The following NRG1 variants were observed in gnomAD, a reference collection of about 807,000 sequenced individuals.
The protein encoded by NRG1 is pro-neuregulin-1, membrane-bound isoform.
A neutral mutation model predicts 63.8 loss-of-function variants in NRG1; 18 were observed. That is an observed-to-expected ratio of 0.28 (90% CI 0.19 to 0.42). The LOEUF (loss-of-function observed/expected upper bound fraction) is 0.42, where lower values mean the gene tolerates loss of function less well. Among genes scored for constraint, NRG1 ranks in the 10% least tolerant of loss-of-function variants. NRG1 has a pLI of 1.00. For missense variants in NRG1, 762 were observed against 814.7 expected (o/e 0.94, Z 0.79); for synonymous variants, 302 against 301.3 (o/e 1.00, Z -0.02).
intron 1 of NRG1, among the ~76,000 whole-genome samples, chr8:32,462,016 C>T (rs1822385319): frequency 1.3e-5 from 2 of 152,140 alleles, no homozygotes; most frequent in South Asian, 4.2e-4. Flanking sequence ...GTTTCCTTGC[C>T]CTGGACTTTT....
intron 1 of NRG1, among the ~76,000 whole-genome samples, chr8:32,344,310 T>A (rs1042225623): frequency 1.4e-5 from 2 of 146,270 alleles, no homozygotes; most frequent in Non-Finnish European, 1.5e-5. Flanking sequence ...CACATCTTTT[T>A]TTTTTCCTTC....
At chr8:32,768,323 A>G (rs1412357748), downstream of NRG1, among the ~76,000 whole-genome samples, 1 of 152,166 alleles carries the variant, frequency 6.6e-6, no homozygotes, top group East Asian at 1.9e-4. Flanking sequence ...ACTAATGAAA[A>G]TGTCAACGTG....
At chr8:32,416,864 T>G (rs1815990963) in intron 1 of NRG1, among the ~76,000 whole-genome samples, 1 of 152,066 alleles carries the variant, frequency 6.6e-6, no homozygotes, top group Admixed American at 6.5e-5. Flanking sequence ...TTTTGTATTT[T>G]TGGTAGAGAC....
At chr8:32,677,616 C>T (rs1434181786) in intron 5 of NRG1, among the ~76,000 whole-genome samples, 2 of 151,964 alleles carry the variant, frequency 1.3e-5, no homozygotes, top group South Asian at 2.1e-4. Context: ...GAGATCATGC[C>T]ACTGCACTCC....
At chr8:31,802,959 T>G (rs1409495272) in intron 1 of NRG1, among the ~76,000 whole-genome samples, 2 of 152,162 alleles carry the variant, frequency 1.3e-5, no homozygotes, top group Non-Finnish European at 2.9e-5. Context: ...TCTGTAACTG[T>G]CTTTGTTGAT....
rs925940188 is a variant in NRG1, at chr8:31,751,699, G to A, written c.37+112268G>A. 3.3e-5 allele frequency among the ~76,000 whole-genome samples: 5 copies of A among 151,930 alleles called. No individual in the cohort carries two copies. The East Asian group carries it at 9.7e-4, about 30-fold the overall frequency. On this transcript the variant is annotated intron_variant, in intron 1 of 10. Transcript: ENST00000519301. ...CTTCAATCATCTGGATGAAACAGTG[G>A]TAGCTTAGATGGATGTTTGTGGTAG...
At chr8:31,809,527 C>T (rs185244282) in intron 1 of NRG1, among the ~76,000 whole-genome samples, 2 of 150,698 alleles carry the variant, frequency 1.3e-5, no homozygotes, top group African/African-American at 4.9e-5. Flanking sequence ...GGACCAAACC[C>T]AAGGTACACA....
At chr8:31,815,649 A>T (rs963709836) in intron 1 of NRG1, among the ~76,000 whole-genome samples, 3 of 152,182 alleles carry the variant, frequency 2.0e-5, no homozygotes, top group Non-Finnish European at 4.4e-5. Flanking sequence ...CTGTGTTTAA[A>T]TTTTTGAGGA....
chr8:32,109,916 T>C (rs910706657), intron 1 of NRG1, among the ~76,000 whole-genome samples: 2 of 152,206 alleles, frequency 1.3e-5, no homozygotes, highest in Admixed American at 1.3e-4. Flanking sequence ...GATATGGACA[T>C]GGCCAAATCT....
intron 1 of NRG1, among the ~76,000 whole-genome samples, chr8:31,662,330 T>C (rs2130943890): frequency 6.6e-6 from 1 of 152,282 alleles, no homozygotes; most frequent in South Asian, 2.1e-4. Context: ...TAACTGAAAA[T>C]GAACTGTCCT....
intron 5 of NRG1, among the ~76,000 whole-genome samples, chr8:32,679,531 G>A (rs564711202): frequency 9.9e-5 from 15 of 152,040 alleles, no homozygotes; most frequent in East Asian, 1.9e-4. Context: ...ACCCTAATAC[G>A]TAACAAAGTT....
intron 1 of NRG1, among the ~76,000 whole-genome samples, chr8:31,729,398 A>G (rs1046970057): frequency 3.9e-5 from 6 of 152,190 alleles, no homozygotes; most frequent in Middle Eastern, 3.2e-3. Context: ...TAATTTGGAA[A>G]GAGAAGAACA....
intron 1 of NRG1, among the ~76,000 whole-genome samples, chr8:31,678,712 TATTA>T (rs1458036050): frequency 3.4e-5 from 5 of 148,490 alleles, no homozygotes; most frequent in Non-Finnish European, 7.4e-5. Context: ...CATATTAATT[TATTA>T]AAGTATTAAA....
chr8:32,196,922 C>T (rs1399358713), intron 1 of NRG1, among the ~76,000 whole-genome samples: 1 of 125,320 alleles, frequency 8.0e-6, no homozygotes, highest in African/African-American at 2.9e-5. Context: ...GGTTTTCTAC[C>T]AGGCCTGTTC....
chr8:31,874,656 A>G (rs574036104), intron 1 of NRG1, among the ~76,000 whole-genome samples: 2 of 152,330 alleles, frequency 1.3e-5, no homozygotes, highest in South Asian at 2.1e-4. Context: ...ATTATTGACT[A>G]TAGTCACCCA....
At chr8:32,167,891 A>G (rs897682907) in intron 1 of NRG1, among the ~76,000 whole-genome samples, 1 of 152,210 alleles carries the variant, frequency 6.6e-6, no homozygotes. Flanking sequence ...GAAACAGCTA[A>G]AATCAGCAAG....
At chr8:32,685,027 A>G (rs1038641324) in intron 5 of NRG1, among the ~76,000 whole-genome samples, 3 of 152,206 alleles carry the variant, frequency 2.0e-5, no homozygotes, top group Admixed American at 6.5e-5. Flanking sequence ...CAATGGTAAC[A>G]TTCTGCAAAA....
At chr8:32,101,601 T>C (rs920750247) in intron 1 of NRG1, among the ~76,000 whole-genome samples, 10 of 152,250 alleles carry the variant, frequency 6.6e-5, no homozygotes, top group Middle Eastern at 3.4e-3. Flanking sequence ...TTTTCAGTTA[T>C]TGATTTTAAA....
At chr8:32,475,987 AAT>A (rs1824468580) in intron 1 of NRG1, among the ~76,000 whole-genome samples, 1 of 152,200 alleles carries the variant, frequency 6.6e-6, no homozygotes, top group South Asian at 2.1e-4. Flanking sequence ...AATGAGATCA[AAT>A]ATGCCTATCT....
Sources: allele counts gnomAD v4.1 joint callset (sites outside exome capture counted in the v4.1 genomes callset), GRCh38; gene constraint gnomAD v4.1.1; transcripts MANE v1.5; gene names NCBI Gene and HGNC (gene_info 2026-07-23, HGNC 2026-07-21).